STX6: variants seen among roughly 807,000 people sequenced by gnomAD.
The protein encoded by STX6 is syntaxin-6.
In STX6, 23 loss-of-function variants were observed where a neutral mutation model predicts 38.0. The ratio of observed to expected loss-of-function variants is 0.60; its 90% confidence interval spans 0.43 to 0.86. The LOEUF (loss-of-function observed/expected upper bound fraction) is 0.86, where lower values mean the gene tolerates loss of function less well. Among genes scored for constraint, STX6 ranks in the 40% least tolerant of loss-of-function variants. The pLI is 0.00. For missense variants in STX6, 274 were observed against 312.9 expected (o/e 0.88, Z 0.94); for synonymous variants, 123 against 107.5 (o/e 1.14, Z -0.89).
At position 180,974,034 on chromosome 1, in the gene STX6, G is replaced by A. The variant is rs977909837; in HGVS notation, c.*2536C>T. 2.0e-5 allele frequency: 3 copies of A among 152,208 alleles called. No homozygotes were observed. Among genetic ancestry groups the A allele is most frequent in the Admixed American group, 1.3e-4 (2 of 15,278 alleles). 9.4% of individuals were successfully genotyped at this position (152,208 alleles called of 1,614,324 possible). ...ACTTACTCTCCCATTCTAGGACACA[G>A]GGTGAAGAGACCACCTGGGTTCCCT... On this transcript the variant is annotated 3_prime_UTR_variant, in exon 8 of 8. Coordinates refer to ENST00000258301, the MANE Select transcript of STX6 (RefSeq NM_005819.6).
At chr1:180,991,146 C>T (rs1346425459) in intron 4 of STX6, among the ~76,000 whole-genome samples, 1 of 152,216 alleles carries the variant, frequency 6.6e-6, no homozygotes, top group Non-Finnish European at 1.5e-5. Context: ...TCCATACTGA[C>T]ACTGACCTCT....
Position 180,972,930 on chromosome 1 carries a change from G to A in STX6, c.*3640C>T, listed in dbSNP as rs1655160137. On this transcript the variant is annotated 3_prime_UTR_variant, in exon 8 of 8. Coordinates refer to ENST00000258301, the MANE Select transcript of STX6 (RefSeq NM_005819.6). The stretch of plus-strand genomic sequence containing the variant: ...AAGACCACCCCCTATTAGAAGCAAA[G>A]GCCCTGGGAGGAGTAAGGCCTGTCA... 3.9e-6 allele frequency: 1 copy of A among 255,830 alleles called. No homozygotes were observed. Among genetic ancestry groups the A allele is most frequent in the African/African-American group, 2.3e-5 (1 of 43,762 alleles). 15.8% of individuals were successfully genotyped at this position (255,830 alleles called of 1,614,324 possible). A position where few individuals can be genotyped will look rare whatever the true frequency, so the allele number is the denominator to read the frequency against.
chr1:180,993,397 G>T lies in STX6; in HGVS notation c.329C>A (p.Ser110Tyr). The change falls in exon 4 of 8, where the codon TCT (serine) becomes TAT (tyrosine). Residue 110 changes from serine (S) to tyrosine (Y), a missense_variant. Physicochemically the swap from Ser to Tyr is moderately radical, Grantham distance 144. Transcript: ENST00000258301. ...RDMKDQMSTS[S>Y]VQALAERKNR... ...TTTTCTTTCAGCTAATGCCTGCACAGATGAAGTTGACATCTGATCTTTCAT... is the reference window on the plus strand; with the variant it reads ...TTTTCTTTCAGCTAATGCCTGCACATATGAAGTTGACATCTGATCTTTCAT... 1 of 1,599,548 alleles carries T rather than the reference G, an allele frequency of 6.3e-7. No individual in the cohort carries two copies. The highest frequency in any genetic ancestry group is 8.6e-7 in the Non-Finnish European group (1 of 1,168,106).
At chr1:181,015,636 T>C (rs1158864771) in intron 1 of STX6, among the ~76,000 whole-genome samples, 4 of 152,210 alleles carry the variant, frequency 2.6e-5, no homozygotes, top group Non-Finnish European at 4.4e-5. Flanking sequence ...CCAAGACTTA[T>C]TTAATTGCAT....
Position 180,976,456 on chromosome 1 carries a change from A to T in STX6, c.*114T>A, listed in dbSNP as rs1655251586. On this transcript the variant is annotated 3_prime_UTR_variant, in exon 8 of 8. Transcript: ENST00000258301. ...GGGTCACACGGAGAAAAGTCAGTGCAGCAGTATGTTTCCAGGATAGGAATG... is the reference window on the plus strand; with the variant it reads ...GGGTCACACGGAGAAAAGTCAGTGCTGCAGTATGTTTCCAGGATAGGAATG... 1 of 928,914 alleles carries T rather than the reference A, an allele frequency of 1.1e-6. No homozygotes were observed. 57.5% of individuals were successfully genotyped at this position (928,914 alleles called of 1,614,324 possible).
intron 1 of STX6, among the ~76,000 whole-genome samples, chr1:181,013,937 C>CAGATGGA (rs1211644298): frequency 2.0e-5 from 3 of 152,180 alleles, no homozygotes; most frequent in Admixed American, 6.5e-5. Context: ...ATGAAAGATG[C>CAGATGGA]AGATGGAAGG....
rs943194054 is a variant in STX6 at position 180,972,915 on chromosome 1, C to T, written c.*3655G>A. 2.9e-5 allele frequency: 8 copies of T among 277,196 alleles called. No homozygotes were observed. The highest frequency in any genetic ancestry group is 4.5e-5 in the African/African-American group (2 of 44,378). The allele number at this position is 277,196 out of a possible 1,614,324, so 17.2% of individuals were successfully genotyped here. The stretch of plus-strand genomic sequence containing the variant: ...GAGAGAAAGAAAAGAAAGACCACCC[C>T]CTATTAGAAGCAAAGGCCCTGGGAG... On this transcript the variant is annotated 3_prime_UTR_variant, in exon 8 of 8. Coordinates refer to ENST00000258301, the MANE Select transcript of STX6 (RefSeq NM_005819.6).
rs1432864318 is a variant in STX6, at chr1:180,973,992, G to A, written c.*2578C>T. On this transcript the variant is annotated 3_prime_UTR_variant, in exon 8 of 8. Coordinates refer to ENST00000258301, the MANE Select transcript of STX6 (RefSeq NM_005819.6). ...AAAGATGCACTTATAAGCAGTGTGG[G>A]GTTATCACCACTGTCTACTTACTCT... 1 of 152,218 alleles carries A rather than the reference G, an allele frequency of 6.6e-6. No homozygotes were observed. Among genetic ancestry groups the A allele is most frequent in the African/African-American group, 2.4e-5 (1 of 41,440 alleles). 9.4% of individuals were successfully genotyped at this position (152,218 alleles called of 1,614,324 possible).
chr1:180,980,126 G>A (rs1174615412), intron 7 of STX6, among the ~76,000 whole-genome samples: 1 of 148,872 alleles, frequency 6.7e-6, no homozygotes, highest in Non-Finnish European at 1.5e-5. Context: ...AGAACCACTT[G>A]AGCCTGGAAG....
Position 180,988,223 on chromosome 1 carries a change from G to A in STX6, c.596+16C>T, listed in dbSNP as rs372942522. 1.6e-5 allele frequency: 25 copies of A among 1,593,668 alleles called. No individual in the cohort carries two copies. In the African/African-American group the frequency reaches 2.8e-4, roughly 18 times the overall value. ...CCTCAATTTCACTGAAGCGAGAGGG[G>A]TGTCTCAATACTCACACTGCCTGTT... On this transcript the variant is annotated intron_variant, in intron 6 of 7. Transcript: ENST00000258301.
chr1:180,978,482 C>T (rs540874089), intron 7 of STX6, among the ~76,000 whole-genome samples: 3 of 152,304 alleles, frequency 2.0e-5, no homozygotes, highest in South Asian at 2.1e-4. Flanking sequence ...TGGACCCAGG[C>T]GAAGGGGACC....
intron 1 of STX6, among the ~76,000 whole-genome samples, chr1:181,019,234 C>T (rs1200757300): frequency 6.6e-6 from 1 of 151,978 alleles, no homozygotes; most frequent in African/African-American, 2.4e-5. Context: ...CAACTTAGGC[C>T]TTTGGCTGGT....
chr1:180,999,389 CA>C (rs958175367), intron 3 of STX6, among the ~76,000 whole-genome samples: 1 of 152,096 alleles, frequency 6.6e-6, no homozygotes, highest in Non-Finnish European at 1.5e-5. Flanking sequence ...TTCTAAAACA[CA>C]AAAATTTCAC....
In STX6 at chr1:181,022,840, C is replaced by G; in HGVS notation, c.-167G>C. On this transcript the variant is annotated 5_prime_UTR_variant, in exon 1 of 8. Coordinates refer to ENST00000258301, the MANE Select transcript of STX6 (RefSeq NM_005819.6). ...CCAGGTGCACAGGACGGCCGCTGGTCCAGCACTCGCTCAGCACCACTGGCC... is the reference window on the plus strand; with the variant it reads ...CCAGGTGCACAGGACGGCCGCTGGTGCAGCACTCGCTCAGCACCACTGGCC... 1.6e-6 allele frequency: 1 copy of G among 634,714 alleles called. No homozygotes were observed. The highest frequency in any genetic ancestry group is 2.7e-6 in the Non-Finnish European group (1 of 369,778). 39.3% of individuals were successfully genotyped at this position (634,714 alleles called of 1,614,324 possible).
At chr1:181,017,463 T>C (rs777553814) in intron 1 of STX6, among the ~76,000 whole-genome samples, 1 of 152,152 alleles carries the variant, frequency 6.6e-6, no homozygotes, top group African/African-American at 2.4e-5. Flanking sequence ...AGCAATAAAA[T>C]AGCAAAGAGC....
At chr1:180,987,199 C>T (rs1050038506) in intron 6 of STX6, among the ~76,000 whole-genome samples, 2 of 152,178 alleles carry the variant, frequency 1.3e-5, no homozygotes, top group Non-Finnish European at 2.9e-5. Flanking sequence ...TTTTCTTCCT[C>T]CTGGTCTACA....
intron 3 of STX6, among the ~76,000 whole-genome samples, chr1:180,997,438 T>C (rs1338566557): frequency 6.6e-6 from 1 of 152,010 alleles, no homozygotes; most frequent in Non-Finnish European, 1.5e-5. Flanking sequence ...CTCTACTTTT[T>C]CAATTGTAAG....
Position 181,011,045 on chromosome 1 carries a change from T to C in STX6, c.36-5582A>G, listed in dbSNP as rs142948231. ...AAAAAATGAAAGAAATGGCAGGAAT[T>C]AGAAAAATGCTACAAAGCAGTTGCA... On this transcript the variant is annotated intron_variant, in intron 1 of 7. Coordinates refer to ENST00000258301, the MANE Select transcript of STX6 (RefSeq NM_005819.6). Among the ~76,000 whole-genome samples the C allele has an allele frequency of 2.0e-4, 30 of 152,270 alleles. No individual in the cohort carries two copies. The East Asian group carries it at 5.8e-3, about 29-fold the overall frequency.
At chr1:180,991,385 T>C (rs1450154263) in intron 4 of STX6, among the ~76,000 whole-genome samples, 1 of 152,016 alleles carries the variant, frequency 6.6e-6, no homozygotes, top group Non-Finnish European at 1.5e-5. Flanking sequence ...CTGCTCATTA[T>C]GATCCACACT....
Sources: gnomAD v4.1 joint callset for allele counts (sites outside exome capture counted in the v4.1 genomes callset) on GRCh38, gnomAD v4.1.1 for gene constraint, MANE v1.5 for transcripts, NCBI Gene and HGNC (gene_info 2026-07-23, HGNC 2026-07-21) for gene names.